Variants in ADD3 observed in about 807,000 individuals in gnomAD.
The protein encoded by ADD3 is adducin 3.
Under a neutral mutation model 80.2 loss-of-function variants are expected in ADD3, and 25 were observed. That is an observed-to-expected ratio of 0.31 (90% CI 0.23 to 0.44). The LOEUF (loss-of-function observed/expected upper bound fraction) is 0.44. Ranked by LOEUF, ADD3 falls within the 20% of genes least tolerant of loss-of-function variation. ADD3 has a pLI of 1.00. For missense variants in ADD3, 829 were observed against 847.5 expected, an observed-to-expected ratio of 0.98 and a Z score of 0.27; for synonymous variants, 284 against 289.6, an observed-to-expected ratio of 0.98 and a Z score of 0.20.
chr10:110,096,232 G>A lies in ADD3; in HGVS notation c.-29-4393G>A, dbSNP rs150033712. On this transcript the variant is annotated intron_variant, in intron 1 of 14. Coordinates refer to ENST00000356080, the MANE Select transcript of ADD3 (RefSeq NM_016824.5). ...AGAAATCTTAGTGAGCTCCACATTC[G>A]TTAAGCATGTTTTCTAGTTTTCAAG... is the stretch of plus-strand genomic sequence containing the variant. 1.4e-3 allele frequency among the ~76,000 whole-genome samples: 219 copies of A among 152,234 alleles called. 1 individual carries two copies. Among genetic ancestry groups the A allele is most frequent in the African/African-American group, 4.9e-3 (203 of 41,532 alleles).
intron 1 of ADD3, among the ~76,000 whole-genome samples, chr10:110,036,375 C>CTTT (rs551028000): frequency 5.1e-4 from 60 of 116,794 alleles, no homozygotes; most frequent in African/African-American, 1.0e-3. Flanking sequence ...TAGAAAGTGT[C>CTTT]TTTTTTTTTT....
At chr10:110,007,685 C>T (rs1851766756), upstream of ADD3, among the ~76,000 whole-genome samples, 3 of 152,164 alleles carry the variant, frequency 2.0e-5, no homozygotes, top group South Asian at 6.2e-4. Context: ...CTGCAGGCCC[C>T]CACCGCTGCG....
intron 2 of ADD3, among the ~76,000 whole-genome samples, chr10:110,107,308 T>C (rs1467579736): frequency 1.3e-5 from 2 of 152,076 alleles, no homozygotes; most frequent in South Asian, 2.1e-4. Context: ...AAGGAGAAGG[T>C]AGCATTTGTA....
chr10:110,052,614 C>T lies in ADD3; in HGVS notation c.-30+44315C>T, dbSNP rs553729650. Among the ~76,000 whole-genome samples the T allele has an allele frequency of 2.0e-5, 3 of 152,270 alleles. No homozygotes were observed. The South Asian group carries it at 6.2e-4, about 32-fold the overall frequency. On this transcript the variant is annotated intron_variant, in intron 1 of 14. Coordinates refer to ENST00000356080, the MANE Select transcript of ADD3 (RefSeq NM_016824.5). ...CCCTGGTGCCAAAAAAGTTGGGGACCGATGGTCTATGCTAATAAATGTTTA... is the reference window on the plus strand; with the variant it reads ...CCCTGGTGCCAAAAAAGTTGGGGACTGATGGTCTATGCTAATAAATGTTTA...
intron 1 of ADD3, among the ~76,000 whole-genome samples, chr10:110,029,967 A>C (rs1265514537): frequency 1.3e-5 from 2 of 152,158 alleles, no homozygotes; most frequent in Non-Finnish European, 2.9e-5. Context: ...ATTTATTAAA[A>C]GTTCTTTCAG....
chr10:110,097,913 T>C (rs1453732129), intron 1 of ADD3, among the ~76,000 whole-genome samples: 1 of 152,048 alleles, frequency 6.6e-6, no homozygotes, highest in African/African-American at 2.4e-5. Flanking sequence ...TAGCTGGGAC[T>C]ACAGGCGCCT....
At chr10:110,091,204 A>T (rs1422563976) in intron 1 of ADD3, among the ~76,000 whole-genome samples, 1 of 152,142 alleles carries the variant, frequency 6.6e-6, no homozygotes, top group Non-Finnish European at 1.5e-5. Context: ...CCCTCCCCCA[A>T]ATAAAGTCAG....
At chr10:109,997,282 T>C (rs919648921) in intron 1 of ADD3, among the ~76,000 whole-genome samples, 2 of 152,190 alleles carry the variant, frequency 1.3e-5, no homozygotes, top group Non-Finnish European at 2.9e-5. Context: ...TGATTCAGCA[T>C]GGGGTCAGCC....
intron 1 of ADD3, among the ~76,000 whole-genome samples, chr10:110,084,207 T>G (rs113135366): frequency 2.8e-4 from 42 of 152,308 alleles, no homozygotes; most frequent in Middle Eastern, 3.4e-3. Context: ...CCATGAAAGC[T>G]TGAAAGAAAA....
chr10:110,083,545 A>T lies in ADD3; in HGVS notation c.-29-17080A>T, dbSNP rs1846333477. ...AAAAAAAGAAAATAGAAGAAGAAGT[A>T]TGGTGAGCAAAGCAACAATCGGGGA... On this transcript the variant is annotated intron_variant, in intron 1 of 14. Coordinates refer to ENST00000356080, the MANE Select transcript of ADD3 (RefSeq NM_016824.5). 2.6e-5 allele frequency among the ~76,000 whole-genome samples: 4 copies of T among 152,136 alleles called. No individual in the cohort carries two copies. In the South Asian group the frequency reaches 8.3e-4, roughly 32 times the overall value.
intron 9 of ADD3, chr10:110,123,802 A>C (rs980582243): frequency 3.8e-6 from 2 of 532,066 alleles, no homozygotes; most frequent in African/African-American, 3.8e-5. Flanking sequence ...TGGAAATTGC[A>C]ATATCAGCTG....
intron 1 of ADD3, among the ~76,000 whole-genome samples, chr10:110,014,881 A>G (rs1038516185): frequency 1.3e-5 from 2 of 150,482 alleles, no homozygotes; most frequent in African/African-American, 2.4e-5. Flanking sequence ...GGGAAGGTAG[A>G]ATTTTTTTTT....
At chr10:110,111,108 A>G (rs1006746096) in intron 2 of ADD3, among the ~76,000 whole-genome samples, 2 of 152,212 alleles carry the variant, frequency 1.3e-5, no homozygotes, top group Admixed American at 6.6e-5. Context: ...CAGTGACTCA[A>G]AAGAGATTCA....
intron 13 of ADD3, 42 bp downstream of exon 13, chr10:110,130,528 A>G (rs1279711513): frequency 6.2e-7 from 1 of 1,603,006 alleles, no homozygotes; most frequent in East Asian, 2.2e-5. Flanking sequence ...AGCCACACTG[A>G]TAACAATAAA....
Position 110,092,785 on chromosome 10 carries a change from GAAAA to G in ADD3, c.-29-7833_-29-7830del, listed in dbSNP as rs1000709322. On this transcript the variant is annotated intron_variant, in intron 1 of 14. Coordinates refer to ENST00000356080, the MANE Select transcript of ADD3 (RefSeq NM_016824.5). ...TAAATATAATTTTATTTTTTAAACT[GAAAA>G]AAAAAACCCCTCAGTTTTCTTATCT... Among the ~76,000 whole-genome samples the G allele has an allele frequency of 5.4e-5, 8 of 147,090 alleles. No homozygotes were observed. The South Asian group carries it at 1.3e-3, about 24-fold the overall frequency.
chr10:110,086,070 A>C (rs919188341), intron 1 of ADD3, among the ~76,000 whole-genome samples: 2 of 151,818 alleles, frequency 1.3e-5, no homozygotes. Context: ...ATGCCATCGC[A>C]CTCCAGCCTG....
intron 1 of ADD3, among the ~76,000 whole-genome samples, chr10:110,058,435 T>G (rs941746452): frequency 2.0e-4 from 31 of 152,188 alleles, no homozygotes; most frequent in Non-Finnish European, 4.6e-4. Context: ...TTTCTACATA[T>G]TGCTGATCTT....
At chr10:110,112,455 C>T (rs937350346) in intron 2 of ADD3, 8 of 195,704 alleles carry the variant, frequency 4.1e-5, no homozygotes, top group African/African-American at 1.6e-4. Flanking sequence ...GAGTGGGTCA[C>T]CTTTTTTTTT....
chr10:110,041,205 C>A (rs540760063), intron 1 of ADD3, among the ~76,000 whole-genome samples: 1 of 152,120 alleles, frequency 6.6e-6, no homozygotes, highest in Non-Finnish European at 1.5e-5. Flanking sequence ...GGAGCACAAG[C>A]TAGAAGTTTG....
Sources: gnomAD v4.1 joint callset for allele counts (sites outside exome capture counted in the v4.1 genomes callset) on GRCh38, gnomAD v4.1.1 for gene constraint, MANE v1.5 for transcripts, NCBI Gene and HGNC (gene_info 2026-07-23, HGNC 2026-07-21) for gene names.